The following CALN1 variants were observed in gnomAD, a reference collection of about 807,000 sequenced individuals.
CALN1 encodes the protein calneuron 1.
Under a neutral mutation model 30.6 loss-of-function variants are expected in CALN1, and 17 were observed. That is an observed-to-expected ratio of 0.56 (90% CI 0.38 to 0.83). CALN1 has a LOEUF of 0.83. Among genes scored for constraint, CALN1 ranks in the 40% least tolerant of loss-of-function variants. CALN1 has a pLI of 0.00. For missense variants in CALN1, 291 were observed against 354.9 expected, an observed-to-expected ratio of 0.82 and a Z score of 1.45; for synonymous variants, 156 against 131.4, an observed-to-expected ratio of 1.19 and a Z score of -1.28.
At chr7:72,221,872 G>C (rs1420567431) in intron 3 of CALN1, among the ~76,000 whole-genome samples, 17 of 146,768 alleles carry the variant, frequency 1.2e-4, no homozygotes, top group Admixed American at 2.1e-4. Flanking sequence ...CTGGGTGACA[G>C]AGAGAGACTC....
At chr7:72,145,861 G>A (rs924059133) in intron 3 of CALN1, among the ~76,000 whole-genome samples, 14 of 152,068 alleles carry the variant, frequency 9.2e-5, no homozygotes, top group African/African-American at 3.4e-4. Context: ...ACAGAATCAA[G>A]GACAAAAACC....
intron 4 of CALN1, among the ~76,000 whole-genome samples, chr7:72,072,311 G>C (rs1804453478): frequency 6.6e-6 from 1 of 152,164 alleles, no homozygotes; most frequent in African/African-American, 2.4e-5. Flanking sequence ...ATGAGTATGA[G>C]CAGATTTCTC....
At chr7:72,204,968 A>T (rs1791717774) in intron 3 of CALN1, among the ~76,000 whole-genome samples, 1 of 152,214 alleles carries the variant, frequency 6.6e-6, no homozygotes, top group South Asian at 2.1e-4. Flanking sequence ...CCAACAATAA[A>T]GAATGAAAAT....
At chr7:71,959,607 T>G (rs920900060) in intron 5 of CALN1, among the ~76,000 whole-genome samples, 1 of 147,426 alleles carries the variant, frequency 6.8e-6, no homozygotes, top group African/African-American at 2.6e-5. Flanking sequence ...GGTTTTGACT[T>G]TTTTACCTTT....
At chr7:72,289,657 C>A (rs1048234245) in intron 2 of CALN1, among the ~76,000 whole-genome samples, 4 of 152,146 alleles carry the variant, frequency 2.6e-5, no homozygotes, top group African/African-American at 4.8e-5. Flanking sequence ...CTCCACCACA[C>A]ACACACAATA....
chr7:71,957,740 G>C (rs1455616533), intron 5 of CALN1, among the ~76,000 whole-genome samples: 2 of 152,088 alleles, frequency 1.3e-5, no homozygotes, highest in African/African-American at 2.4e-5. Flanking sequence ...AATTTAGGCT[G>C]GGTGCTGTGG....
intron 5 of CALN1, among the ~76,000 whole-genome samples, chr7:71,876,961 C>T (rs771478533): frequency 5.3e-5 from 8 of 152,106 alleles, no homozygotes; most frequent in Non-Finnish European, 7.4e-5. Context: ...ATCAGACTTA[C>T]GTTGTGTTCA....
chr7:72,413,433 CAT>C (rs1807306938), upstream of CALN1, among the ~76,000 whole-genome samples: 1 of 152,088 alleles, frequency 6.6e-6, no homozygotes, highest in Admixed American at 6.5e-5. Flanking sequence ...CGTACACTCA[CAT>C]AGACTCACAT....
At chr7:72,426,243 T>C (rs992213773) in intron 1 of CALN1, among the ~76,000 whole-genome samples, 2 of 152,242 alleles carry the variant, frequency 1.3e-5, no homozygotes, top group Non-Finnish European at 2.9e-5. Flanking sequence ...ATCTAATGCC[T>C]GCAAGTGCTC....
chr7:72,265,931 C>G (rs1796566049), intron 3 of CALN1, among the ~76,000 whole-genome samples: 1 of 151,938 alleles, frequency 6.6e-6, no homozygotes, highest in Non-Finnish European at 1.5e-5. Flanking sequence ...CCTAGGAGTT[C>G]CAGACCAGCC....
At chr7:72,282,648 G>A (rs528287495) in intron 2 of CALN1, among the ~76,000 whole-genome samples, 34 of 152,300 alleles carry the variant, frequency 2.2e-4, no homozygotes, top group African/African-American at 7.0e-4. Context: ...TAGGTGTCTC[G>A]ATCTTGGACT....
Position 71,925,068 on chromosome 7 carries a change from CTG to C in CALN1, c.501+98587_501+98588del, listed in dbSNP as rs1318790149. ...GCAGCCTGACCAACATGGTGAAACC[CTG>C]TCTCTACTAAAAACACAAAAATTAG... On this transcript the variant is annotated intron_variant, in intron 5 of 6. Coordinates refer to ENST00000395275, the MANE Select transcript of CALN1 (RefSeq NM_031468.4). 1.3e-5 allele frequency among the ~76,000 whole-genome samples: 2 copies of C among 152,092 alleles called. 1 individual carries two copies. Among genetic ancestry groups the C allele is most frequent in the Non-Finnish European group, 2.9e-5 (2 of 68,030 alleles).
At chr7:72,181,775 G>A (rs944337259) in intron 3 of CALN1, among the ~76,000 whole-genome samples, 2 of 152,038 alleles carry the variant, frequency 1.3e-5, no homozygotes, top group African/African-American at 4.8e-5. Context: ...ACACCCAGCC[G>A]ACTTCGGTAA....
At chr7:72,150,402 A>G (rs116032014) in intron 3 of CALN1, among the ~76,000 whole-genome samples, 2,418 of 152,328 alleles carry the variant, frequency 0.016, 61 homozygotes, top group African/African-American at 0.055. Context: ...TAGGGGGTTT[A>G]CTCACAAGTA....
chr7:72,195,193 G>A (rs1162279372), intron 3 of CALN1, among the ~76,000 whole-genome samples: 1 of 152,136 alleles, frequency 6.6e-6, no homozygotes, highest in Non-Finnish European at 1.5e-5. Context: ...TAATATCTGT[G>A]CAGACACACT....
intron 5 of CALN1, among the ~76,000 whole-genome samples, chr7:71,921,039 G>A (rs186742226): frequency 6.2e-4 from 94 of 152,302 alleles, no homozygotes; most frequent in African/African-American, 1.9e-3. Context: ...AAAAGGATGC[G>A]TTCATGTCCT....
At chr7:72,142,330 G>A (rs369409210) in intron 3 of CALN1, among the ~76,000 whole-genome samples, 7 of 152,166 alleles carry the variant, frequency 4.6e-5, no homozygotes, top group Non-Finnish European at 2.9e-5. Flanking sequence ...ATTATATTCC[G>A]TGCCTGGCTC....
chr7:72,408,564 T>C (rs1003935151), intron 1 of CALN1, among the ~76,000 whole-genome samples: 4 of 151,984 alleles, frequency 2.6e-5, no homozygotes, highest in African/African-American at 7.2e-5. Context: ...CTGGTCATCA[T>C]GGATAATTTT....
chr7:72,053,975 T>G (rs1803011246), intron 4 of CALN1, among the ~76,000 whole-genome samples: 1 of 152,144 alleles, frequency 6.6e-6, no homozygotes, highest in Non-Finnish European at 1.5e-5. Flanking sequence ...AATTCATTCC[T>G]TTTTTTGGCT....
Sources: allele counts gnomAD v4.1 joint callset (sites outside exome capture counted in the v4.1 genomes callset), GRCh38; gene constraint gnomAD v4.1.1; transcripts MANE v1.5; gene names NCBI Gene and HGNC (gene_info 2026-07-23, HGNC 2026-07-21).